Variants in PIEZO2 observed in about 807,000 individuals in gnomAD.
PIEZO2 encodes piezo type mechanosensitive ion channel component 2.
PIEZO2 carries 172 observed loss-of-function variants against 337.3 expected under a neutral mutation model. The observed-to-expected ratio is 0.51, with a 90% CI of 0.45 to 0.58. PIEZO2 has a LOEUF of 0.58. Among genes scored for constraint, PIEZO2 ranks in the 20% least tolerant of loss-of-function variants. The pLI is 0.00. For missense variants in PIEZO2, 3,028 were observed against 3,391.3 expected (o/e 0.89, Z 2.66); for synonymous variants, 1,251 against 1,228.5 (o/e 1.02, Z -0.38).
Position 10,859,637 on chromosome 18 carries a change from C to T in PIEZO2, c.493-2426G>A, listed in dbSNP as rs553550869. On this transcript the variant is annotated intron_variant, in intron 5 of 55. Coordinates refer to ENST00000674853, the MANE Select transcript of PIEZO2 (RefSeq NM_001378183.1). This position sits in a 1 kb window ranked among gnomAD's most constrained non-coding sequence, Gnocchi z 4.9. ...TAAAGAAACACATCCTTTCAACCCA[C>T]GTTTGTCTCTTAAGGTGAAACACTC... Among the ~76,000 whole-genome samples the T allele has an allele frequency of 6.6e-6, 1 of 152,354 alleles. No homozygotes were observed. The highest frequency in any genetic ancestry group is 1.9e-4 in the East Asian group (1 of 5,166).
chr18:10,879,112 G>C (rs1399715955), intron 4 of PIEZO2, among the ~76,000 whole-genome samples: 1 of 152,162 alleles, frequency 6.6e-6, no homozygotes, highest in Non-Finnish European at 1.5e-5. Flanking sequence ...ATGTGTGTAA[G>C]GTTCTCTAAC....
intron 16 of PIEZO2, among the ~76,000 whole-genome samples, chr18:10,785,221 A>G (rs945034296): frequency 6.6e-6 from 1 of 152,156 alleles, no homozygotes; most frequent in African/African-American, 2.4e-5. Flanking sequence ...GTCCTCCTTG[A>G]AGCAAGTGTG....
chr18:10,814,437 C>A (rs1182921686), intron 7 of PIEZO2, among the ~76,000 whole-genome samples: 1 of 152,166 alleles, frequency 6.6e-6, no homozygotes, highest in Admixed American at 6.5e-5. Context: ...ATAATCTTCT[C>A]ATTTTTAACC....
At chr18:10,998,381 C>T (rs184646846) in intron 2 of PIEZO2, among the ~76,000 whole-genome samples, 77 of 151,320 alleles carry the variant, frequency 5.1e-4, no homozygotes, top group African/African-American at 1.8e-3. Context: ...CACACACACT[C>T]CTTAATTACA....
chr18:11,022,771 T>C (rs1568304219), intron 2 of PIEZO2, among the ~76,000 whole-genome samples: 2 of 152,202 alleles, frequency 1.3e-5, no homozygotes, highest in Non-Finnish European at 2.9e-5. Flanking sequence ...CTCTAGGCTA[T>C]TTTGTCCAGA....
At chr18:10,981,887 C>G (rs2034680516) in intron 2 of PIEZO2, among the ~76,000 whole-genome samples, 2 of 152,148 alleles carry the variant, frequency 1.3e-5, no homozygotes, top group Non-Finnish European at 1.5e-5. Context: ...TTTTGGACTC[C>G]TGGACCCACA....
At chr18:10,675,464 A>G (rs964501282) in intron 53 of PIEZO2, among the ~76,000 whole-genome samples, 176 bp from the exon 54 acceptor site, 9 of 152,198 alleles carry the variant, frequency 5.9e-5, no homozygotes, top group African/African-American at 2.2e-4. Context: ...AAACTCTCTC[A>G]TATGGAGCAA....
chr18:10,727,021 T>C lies in PIEZO2; in HGVS notation c.5029+4386A>G. 1.3e-6 allele frequency: 1 copy of C among 788,284 alleles called. No homozygotes were observed. The highest frequency in any genetic ancestry group is 2.9e-5 in the East Asian group (1 of 34,046). 48.8% of individuals were successfully genotyped at this position (788,284 alleles called of 1,614,324 possible). A position where few individuals can be genotyped will look rare whatever the true frequency, so the allele number is the denominator to read the frequency against. ...GAACATGAAGCTGTTTGCTCTGTGC[T>C]TCCACGGTCTGGGTGTTTCTTGGGG... On this transcript the variant is annotated intron_variant, in intron 36 of 55. Coordinates refer to ENST00000674853, the MANE Select transcript of PIEZO2 (RefSeq NM_001378183.1). The surrounding 1 kb of genome is among the most constrained non-coding windows in gnomAD (Gnocchi z 6.3).
At position 10,726,773 on chromosome 18, in the gene PIEZO2, A is replaced by T; in HGVS notation, c.5029+4634T>A. On this transcript the variant is annotated intron_variant, in intron 36 of 55. Transcript: ENST00000674853. The surrounding 1 kb of genome is among the most constrained non-coding windows in gnomAD (Gnocchi z 5.9). ...TTCCCGCTGCTGACCTCACTGGGCA[A>T]GGTGTCCTATGAGGATGTGGACCAC... is the stretch of plus-strand genomic sequence containing the variant. The T allele has an allele frequency of 4.6e-6, 7 of 1,534,396 alleles. No individual in the cohort carries two copies. The highest frequency in any genetic ancestry group is 6.3e-6 in the Non-Finnish European group (7 of 1,112,554).
At chr18:10,693,875 A>G (rs2034970105) in intron 47 of PIEZO2, among the ~76,000 whole-genome samples, 1 of 152,120 alleles carries the variant, frequency 6.6e-6, no homozygotes. Context: ...TTGGTTTTGT[A>G]CTGAAAAATG....
At chr18:10,860,445 C>G (rs1406329871) in intron 5 of PIEZO2, among the ~76,000 whole-genome samples, 1 of 152,182 alleles carries the variant, frequency 6.6e-6, no homozygotes, top group East Asian at 1.9e-4. Flanking sequence ...GGCCCGGGTC[C>G]CAGGGCAGCT....
At chr18:10,751,611 C>G (rs925101573) in intron 28 of PIEZO2, among the ~76,000 whole-genome samples, 4 of 152,174 alleles carry the variant, frequency 2.6e-5, no homozygotes, top group African/African-American at 9.7e-5. Context: ...ACGTGCCCCC[C>G]CGAAAATCAA....
intron 17 of PIEZO2, among the ~76,000 whole-genome samples, chr18:10,780,863 A>G (rs548223873): frequency 1.3e-5 from 2 of 151,664 alleles, no homozygotes; most frequent in African/African-American, 4.8e-5. Context: ...GGGTTTTACT[A>G]TGTTGGCTTA....
At chr18:11,065,019 C>T (rs1203487970) in intron 2 of PIEZO2, among the ~76,000 whole-genome samples, 2 of 152,126 alleles carry the variant, frequency 1.3e-5, no homozygotes, top group African/African-American at 4.8e-5. Context: ...CATTTCTCTA[C>T]CCTTTATATG....
chr18:10,710,546 A>T (rs1052690946), intron 39 of PIEZO2, among the ~76,000 whole-genome samples: 1 of 152,248 alleles, frequency 6.6e-6, no homozygotes, highest in Non-Finnish European at 1.5e-5. Context: ...GCCATTTTAC[A>T]TCTGGATTTG....
Position 10,671,247 on chromosome 18 carries a change from A to G in PIEZO2, c.*280T>C. 3.6e-6 allele frequency: 1 copy of G among 276,020 alleles called. No individual in the cohort carries two copies. The highest frequency in any genetic ancestry group is 6.8e-6 in the Non-Finnish European group (1 of 146,032). 17.1% of individuals were successfully genotyped at this position (276,020 alleles called of 1,614,324 possible). On this transcript the variant is annotated 3_prime_UTR_variant, in exon 56 of 56. Coordinates refer to ENST00000674853, the MANE Select transcript of PIEZO2 (RefSeq NM_001378183.1). ...CTCTTAGGGACGGGGCCCATAAATG[A>G]TTCCTTCACATGATCAATCAGAATG...
intron 36 of PIEZO2, among the ~76,000 whole-genome samples, chr18:10,719,184 G>T (rs2036151463): frequency 6.6e-6 from 1 of 152,008 alleles, no homozygotes; most frequent in African/African-American, 2.4e-5. Flanking sequence ...AGATAAACAA[G>T]AAATTTTAAA....
rs368534670 is a variant in PIEZO2 at position 11,013,967 on chromosome 18, C to T, written c.161-34307G>A. 1.4e-4 allele frequency among the ~76,000 whole-genome samples: 22 copies of T among 152,264 alleles called. No homozygotes were observed. The South Asian group carries it at 2.5e-3, about 17-fold the overall frequency. On this transcript the variant is annotated intron_variant, in intron 2 of 55. Transcript: ENST00000674853. Reference sequence around the variant, plus strand: ...GAGGGATACAAGACAGCTAATGAGACGTTAGAGACCTTGCAATGGGGCTGA... The same window carrying T: ...GAGGGATACAAGACAGCTAATGAGATGTTAGAGACCTTGCAATGGGGCTGA...
chr18:10,763,958 G>A (rs1275360097), intron 21 of PIEZO2, among the ~76,000 whole-genome samples: 1 of 152,172 alleles, frequency 6.6e-6, no homozygotes, highest in Non-Finnish European at 1.5e-5. Flanking sequence ...TTCCACTTGG[G>A]AGCCTGAGTG....
Sources: gnomAD v4.1 joint callset for allele counts (sites outside exome capture counted in the v4.1 genomes callset) on GRCh38, gnomAD v4.1.1 for gene constraint, Gnocchi (gnomAD v3.1) non-coding constraint, MANE v1.5 for transcripts, NCBI Gene and HGNC (gene_info 2026-07-23, HGNC 2026-07-21) for gene names.